The following CMIP variants were observed in gnomAD, a reference collection of about 807,000 sequenced individuals.
CMIP encodes the protein c-Maf inducing protein.
A neutral mutation model predicts 97.3 loss-of-function variants in CMIP; 13 were observed. The observed-to-expected ratio is 0.13, with a 90% CI of 0.09 to 0.21. The LOEUF (loss-of-function observed/expected upper bound fraction) is 0.21, where lower values mean the gene tolerates loss of function less well. Ranked by LOEUF, CMIP falls within the 10% of genes least tolerant of loss-of-function variation. The probability of loss-of-function intolerance (pLI) is 1.00; values close to 1 mark genes in which losing one functional copy is unlikely to be tolerated. For synonymous variants in CMIP, 538 were observed against 436.3 expected (o/e 1.23, Z -2.91); for missense variants, 847 against 1,024.9 (o/e 0.83, Z 2.37).
At chr16:81,662,022 G>A (rs1188445534) in intron 6 of CMIP, among the ~76,000 whole-genome samples, 1 of 152,128 alleles carries the variant, frequency 6.6e-6, no homozygotes, top group African/African-American at 2.4e-5. Flanking sequence ...TACAGGTGTG[G>A]ATACACACAG....
intron 1 of CMIP, among the ~76,000 whole-genome samples, chr16:81,593,294 C>G (rs1470059909): frequency 6.6e-6 from 1 of 152,074 alleles, no homozygotes; most frequent in Non-Finnish European, 1.5e-5. Flanking sequence ...GAACCCATGA[C>G]CCCTCCTGGG....
intron 1 of CMIP, among the ~76,000 whole-genome samples, chr16:81,588,442 C>T (rs866551251): frequency 6.6e-6 from 1 of 152,086 alleles, no homozygotes; most frequent in African/African-American, 2.4e-5. Context: ...GGTGTGGTCC[C>T]GGTGTGCCAC....
In CMIP at chr16:81,655,170, G is replaced by T. The variant is rs985182033; in HGVS notation, c.640-2605G>T. On this transcript the variant is annotated intron_variant, in intron 4 of 20. Transcript: ENST00000537098. This position sits in a 1 kb window ranked among gnomAD's most constrained non-coding sequence, Gnocchi z 4.9. ...AAGCACCTTCAGCCAGGGGTCTGGA[G>T]CTAGTAGCTGGAAAAACAAACATCT... 6.6e-6 allele frequency among the ~76,000 whole-genome samples: 1 copy of T among 152,184 alleles called. No individual in the cohort carries two copies. The highest frequency in any genetic ancestry group is 1.5e-5 in the Non-Finnish European group (1 of 68,044).
intron 2 of CMIP, chr16:81,617,175 G>C (rs1041112912): frequency 3.9e-5 from 6 of 152,336 alleles, no homozygotes; most frequent in African/African-American, 1.4e-4. Flanking sequence ...AGGAAGAAGG[G>C]GCCAAGAGCC....
At chr16:81,596,750 A>G (rs1467392954) in intron 1 of CMIP, among the ~76,000 whole-genome samples, 2 of 152,048 alleles carry the variant, frequency 1.3e-5, no homozygotes, top group Admixed American at 6.5e-5. Context: ...GATTTTCCCA[A>G]TAGAGTAGTG....
intron 1 of CMIP, among the ~76,000 whole-genome samples, chr16:81,486,139 C>A (rs1306516242): frequency 6.6e-6 from 1 of 152,164 alleles, no homozygotes; most frequent in Non-Finnish European, 1.5e-5. Context: ...CTGGCCAGAG[C>A]GAGCTGGTGT....
At chr16:81,449,884 C>T (rs1230295668) in intron 1 of CMIP, among the ~76,000 whole-genome samples, 2 of 152,324 alleles carry the variant, frequency 1.3e-5, no homozygotes, top group African/African-American at 2.4e-5. Context: ...TTTTGATGCT[C>T]GCATTTGCCT....
At chr16:81,449,684 C>A (rs541773422) in intron 1 of CMIP, among the ~76,000 whole-genome samples, 1 of 145,732 alleles carries the variant, frequency 6.9e-6, no homozygotes, top group Non-Finnish European at 1.5e-5. Flanking sequence ...CCCCCCCTTT[C>A]CATGCCATTT....
intron 1 of CMIP, among the ~76,000 whole-genome samples, chr16:81,601,470 C>T (rs2091656492): frequency 6.6e-6 from 1 of 152,124 alleles, no homozygotes; most frequent in Non-Finnish European, 1.5e-5. Flanking sequence ...GGTCTGAGGC[C>T]ATATCTGGTT....
At chr16:81,709,673 G>A in intron 20 of CMIP, 73 bp from the exon 21 acceptor site, 3 of 1,546,484 alleles carry the variant, frequency 1.9e-6, no homozygotes, top group Non-Finnish European at 2.7e-6. Context: ...GGCAATGCGG[G>A]TGGAGCCAGG....
chr16:81,683,606 T>G (rs1170354220), intron 10 of CMIP, among the ~76,000 whole-genome samples: 1 of 152,036 alleles, frequency 6.6e-6, no homozygotes, highest in Non-Finnish European at 1.5e-5. Flanking sequence ...GCCAGGCTGG[T>G]CTCGAACTCC....
intron 1 of CMIP, among the ~76,000 whole-genome samples, chr16:81,590,241 C>G (rs1021992294): frequency 8.2e-6 from 1 of 122,642 alleles, no homozygotes; most frequent in African/African-American, 3.1e-5. Flanking sequence ...TTTCCTCCCT[C>G]CCATTCCTTC....
intron 6 of CMIP, among the ~76,000 whole-genome samples, chr16:81,661,272 G>A (rs528660992): frequency 2.6e-5 from 4 of 152,336 alleles, no homozygotes; most frequent in South Asian, 2.1e-4. Flanking sequence ...GTTCCTCTGC[G>A]CAGTGGCTGG....
At chr16:81,663,813 T>C (rs2092573713) in intron 6 of CMIP, among the ~76,000 whole-genome samples, 1 of 152,060 alleles carries the variant, frequency 6.6e-6, no homozygotes, top group Non-Finnish European at 1.5e-5. Flanking sequence ...TGGTGCACTT[T>C]ACCCCCTGCC....
intron 1 of CMIP, among the ~76,000 whole-genome samples, chr16:81,477,543 C>G (rs1246952048): frequency 6.6e-6 from 1 of 152,222 alleles, no homozygotes; most frequent in East Asian, 1.9e-4. Flanking sequence ...CAATGGCTGC[C>G]CTCCCTGTGT....
chr16:81,673,903 C>T (rs561228029), intron 9 of CMIP, among the ~76,000 whole-genome samples: 2 of 152,310 alleles, frequency 1.3e-5, no homozygotes, highest in East Asian at 3.9e-4. Flanking sequence ...GCTGGGGATA[C>T]AGCAGGAGGG....
intron 9 of CMIP, among the ~76,000 whole-genome samples, chr16:81,676,619 A>G (rs1402425201): frequency 6.6e-6 from 1 of 152,186 alleles, no homozygotes; most frequent in Non-Finnish European, 1.5e-5. Context: ...CAACGATAGA[A>G]TTCTCGGACT....
At position 81,711,606 on chromosome 16, in the gene CMIP, A is replaced by G. The variant is rs1908784432; in HGVS notation, c.*1807A>G. 1 of 67,738 alleles carries G rather than the reference A, an allele frequency of 1.5e-5. No individual in the cohort carries two copies. Among genetic ancestry groups the G allele is most frequent in the South Asian group, 6.7e-4 (1 of 1,502 alleles). 4.2% of individuals were successfully genotyped at this position (67,738 alleles called of 1,614,324 possible). ...AATAAAAAAATAAATAAAAATAAAA[A>G]AAATAAAAAAGGAAAAAAAAAAAAG... On this transcript the variant is annotated 3_prime_UTR_variant, in exon 21 of 21. Coordinates refer to ENST00000537098, the MANE Select transcript of CMIP (RefSeq NM_198390.3).
intron 1 of CMIP, among the ~76,000 whole-genome samples, chr16:81,465,085 A>G (rs748265402): frequency 6.6e-6 from 1 of 152,074 alleles, no homozygotes; most frequent in Admixed American, 6.6e-5. Context: ...GCGGACATTT[A>G]TTTTTTAAAG....
Sources: gnomAD v4.1 joint callset for allele counts (sites outside exome capture counted in the v4.1 genomes callset) on GRCh38, gnomAD v4.1.1 for gene constraint, Gnocchi (gnomAD v3.1) non-coding constraint, MANE v1.5 for transcripts, NCBI Gene and HGNC (gene_info 2026-07-23, HGNC 2026-07-21) for gene names.